FIG4: variants seen among roughly 807,000 people sequenced by gnomAD.
The protein encoded by FIG4 is polyphosphoinositide phosphatase.
In FIG4, 112 loss-of-function variants were observed where a neutral mutation model predicts 118.6. The ratio of observed to expected loss-of-function variants is 0.94; its 90% confidence interval spans 0.81 to 1.11. The LOEUF (loss-of-function observed/expected upper bound fraction) is 1.11, where lower values mean the gene tolerates loss of function less well. Ranked by LOEUF, FIG4 falls within the 50% of genes least tolerant of loss-of-function variation. The probability of loss-of-function intolerance (pLI) is 0.00; values close to 1 mark genes in which losing one functional copy is unlikely to be tolerated. For synonymous variants in FIG4, 369 were observed against 381.2 expected, an observed-to-expected ratio of 0.97 and a Z score of 0.37; for missense variants, 969 against 1,111.7, an observed-to-expected ratio of 0.87 and a Z score of 1.83.
chr6:109,691,528 A>G (rs761698877), intron 1 of FIG4, 27 bp downstream of exon 1: 2 of 1,550,822 alleles, frequency 1.3e-6, no homozygotes, highest in East Asian at 4.8e-5. Flanking sequence ...GGCGGGGCGC[A>G]GGCGGGAGGA....
intron 1 of FIG4, among the ~76,000 whole-genome samples, chr6:109,699,214 G>A (rs1288899832): frequency 6.6e-6 from 1 of 152,076 alleles, no homozygotes; most frequent in Non-Finnish European, 1.5e-5. Flanking sequence ...ATTTTTCCAG[G>A]AATTTGTTCA....
chr6:109,714,494 C>T (rs1261802779), intron 1 of FIG4, among the ~76,000 whole-genome samples: 1 of 152,162 alleles, frequency 6.6e-6, no homozygotes, highest in Non-Finnish European at 1.5e-5. Context: ...AGTCAGAACG[C>T]TCCAAGGAAC....
At chr6:109,775,891 C>G (rs1250535647) in intron 15 of FIG4, among the ~76,000 whole-genome samples, 1 of 152,158 alleles carries the variant, frequency 6.6e-6, no homozygotes, top group Non-Finnish European at 1.5e-5. Context: ...AACAGTGTTG[C>G]TAATTTCAGG....
chr6:109,733,055 T>C (rs754466413), intron 5 of FIG4, among the ~76,000 whole-genome samples: 1 of 152,074 alleles, frequency 6.6e-6, no homozygotes, highest in Non-Finnish European at 1.5e-5. Context: ...TCTGGCAAAA[T>C]TGGGTAAAAA....
chr6:109,789,967 A>G (rs947543554), intron 19 of FIG4, among the ~76,000 whole-genome samples: 5 of 152,226 alleles, frequency 3.3e-5, no homozygotes, highest in Non-Finnish European at 4.4e-5. Flanking sequence ...TAGTTAAGTA[A>G]AAATTTGTAT....
chr6:109,724,774 T>C (rs1338568052), intron 3 of FIG4, among the ~76,000 whole-genome samples: 1 of 151,950 alleles, frequency 6.6e-6, no homozygotes. Flanking sequence ...TTTCCTTTAC[T>C]GTAATTTCCT....
At chr6:109,821,621 T>C (rs1385432107) in intron 22 of FIG4, among the ~76,000 whole-genome samples, 1 of 152,202 alleles carries the variant, frequency 6.6e-6, no homozygotes, top group Non-Finnish European at 1.5e-5. Flanking sequence ...ATCTAGGCAT[T>C]GGCCTCAGTG....
In FIG4 at chr6:109,725,481, G is replaced by A. The variant is rs571663416; in HGVS notation, c.290-1628G>A. On this transcript the variant is annotated intron_variant, in intron 3 of 22. Transcript: ENST00000230124. ...GTATTCCATGGTGTATATGTGCCAC[G>A]TTTCCTTTATCCAGTCTATCATTGA... 4.1e-4 allele frequency among the ~76,000 whole-genome samples: 62 copies of A among 152,088 alleles called. 1 individual carries two copies. The South Asian group carries it at 0.011, about 26-fold the overall frequency.
Position 109,766,906 on chromosome 6 carries a change from A to G in FIG4, c.1750+11A>G. The G allele has an allele frequency of 6.2e-7, 1 of 1,611,514 alleles. No homozygotes were observed. Among genetic ancestry groups the G allele is most frequent in the Non-Finnish European group, 8.5e-7 (1 of 1,177,654 alleles). ...GCAATGCTTTTTCAGGTAATTCTGA[A>G]GTAATAGCTATTTTTAAGACTTACT... On this transcript the variant is annotated intron_variant, in intron 15 of 22. Transcript: ENST00000230124.
At chr6:109,786,494 G>A (rs770952840) in intron 18 of FIG4, 45 bp downstream of exon 18, 67 of 1,602,338 alleles carry the variant, frequency 4.2e-5, no homozygotes, top group Non-Finnish European at 5.5e-5. Flanking sequence ...GAGAACTGTA[G>A]TTTTCCTAGT....
chr6:109,763,991 A>G lies in FIG4; in HGVS notation c.1434+9A>G, dbSNP rs745935495. 6.4e-6 allele frequency: 10 copies of G among 1,571,090 alleles called. No individual in the cohort carries two copies. Among genetic ancestry groups the G allele is most frequent in the Non-Finnish European group, 8.8e-6 (10 of 1,140,716 alleles). The stretch of plus-strand genomic sequence containing the variant: ...CCACTGGTCGCCTGCAGGTATACAC[A>G]GTATTACAATTCGTAATGAATAGAA... On this transcript the variant is annotated intron_variant, in intron 13 of 22. Transcript: ENST00000230124.
At chr6:109,767,009 TA>T in intron 15 of FIG4, 114 bp downstream of exon 15, 1 of 843,618 alleles carries the variant, frequency 1.2e-6, no homozygotes, top group Non-Finnish European at 1.9e-6. Context: ...AAAGTTTAAA[TA>T]AAACAGTCTG....
intron 22 of FIG4, among the ~76,000 whole-genome samples, chr6:109,800,954 G>C (rs1451184256): frequency 6.6e-6 from 1 of 152,126 alleles, no homozygotes; most frequent in Non-Finnish European, 1.5e-5. Context: ...TGCTGTGCCT[G>C]GCAGGCAGGT....
At chr6:109,747,053 T>C (rs1370532091) in intron 10 of FIG4, among the ~76,000 whole-genome samples, 2 of 151,944 alleles carry the variant, frequency 1.3e-5, no homozygotes, top group Admixed American at 6.6e-5. Context: ...ATGAGTGTAG[T>C]TTGGACATGC....
intron 1 of FIG4, among the ~76,000 whole-genome samples, chr6:109,707,289 A>ATGTG (rs140367336): frequency 6.7e-4 from 97 of 145,162 alleles, no homozygotes; most frequent in African/African-American, 2.3e-3. Flanking sequence ...GTATATATAT[A>ATGTG]TATGTGTGTG....
intron 16 of FIG4, among the ~76,000 whole-genome samples, chr6:109,778,476 A>AG (rs1777686552): frequency 6.6e-6 from 1 of 151,162 alleles, no homozygotes; most frequent in Admixed American, 6.6e-5. Flanking sequence ...GTCTCAAAAA[A>AG]AAAAAAAGGA....
intron 6 of FIG4, among the ~76,000 whole-genome samples, chr6:109,735,633 C>CT (rs1460298730): frequency 2.0e-5 from 3 of 152,054 alleles, no homozygotes; most frequent in Non-Finnish European, 2.9e-5. Context: ...AGGTAATACA[C>CT]ACTACTTATT....
intron 22 of FIG4, among the ~76,000 whole-genome samples, chr6:109,820,815 C>T (rs552323426): frequency 1.1e-4 from 16 of 152,250 alleles, no homozygotes; most frequent in African/African-American, 3.9e-4. Context: ...CTGTGCGATA[C>T]AGTATCCTCA....
chr6:109,813,487 G>A (rs373544522), intron 22 of FIG4, among the ~76,000 whole-genome samples: 9 of 152,076 alleles, frequency 5.9e-5, no homozygotes, highest in Non-Finnish European at 4.4e-5. Flanking sequence ...TTTCATTCTG[G>A]TACACTTCTC....
Sources: allele counts gnomAD v4.1 joint callset (sites outside exome capture counted in the v4.1 genomes callset), GRCh38; gene constraint gnomAD v4.1.1; transcripts MANE v1.5; gene names NCBI Gene and HGNC (gene_info 2026-07-23, HGNC 2026-07-21).